Variants in HSF5 observed in about 807,000 individuals in gnomAD.
HSF5 encodes the protein heat shock transcription factor 5.
In HSF5, 5 loss-of-function variants were observed where a neutral mutation model predicts 50.8. The observed-to-expected ratio is 0.10, with a 90% CI of 0.05 to 0.21. HSF5 has a LOEUF of 0.21. Among genes scored for constraint, HSF5 ranks in the 10% least tolerant of loss-of-function variants. The pLI is 1.00. For missense variants in HSF5, 564 were observed against 762.6 expected (o/e 0.74, Z 3.07); for synonymous variants, 307 against 307.4 (o/e 1.00, Z 0.02).
At chr17:58,472,807 C>A (rs891158565) in intron 2 of HSF5, among the ~76,000 whole-genome samples, 3 of 152,064 alleles carry the variant, frequency 2.0e-5, no homozygotes, top group African/African-American at 4.8e-5. Flanking sequence ...CTCCCCAGAG[C>A]CCCCAGGCTG....
intron 5 of HSF5, among the ~76,000 whole-genome samples, chr17:58,443,021 G>A (rs1974518018): frequency 6.6e-6 from 1 of 151,728 alleles, no homozygotes; most frequent in South Asian, 2.1e-4. Context: ...CCATTCTCCT[G>A]CCTCAGTTCC....
In HSF5 at chr17:58,463,179, A is replaced by C. The variant is rs770348298; in HGVS notation, c.1145T>G (p.Leu382Trp). ...LEAVFQIVDE[L>W]HSSPKLEMVK... Reference sequence around the variant, plus strand: ...CATCTCCAATTTAGGGGAGGAATGCAACTCATCAACTATCTGAAAGACAGC... The same window carrying C: ...CATCTCCAATTTAGGGGAGGAATGCCACTCATCAACTATCTGAAAGACAGC... The change falls in exon 4 of 6, where the codon TTG (leucine) becomes TGG (tryptophan). Residue 382 changes from leucine to tryptophan, a missense_variant. By Grantham distance (61) the Leu-to-Trp change is moderately conservative. Transcript: ENST00000323777. 2.3e-5 allele frequency: 37 copies of C among 1,614,210 alleles called. 1 individual carries two copies. The South Asian group carries it at 3.8e-4, about 17-fold the overall frequency.
intron 5 of HSF5, among the ~76,000 whole-genome samples, chr17:58,451,268 C>A (rs1282251511): frequency 6.6e-6 from 1 of 152,150 alleles, no homozygotes; most frequent in African/African-American, 2.4e-5. Flanking sequence ...CAGCTTTCAG[C>A]AATGGACAAA....
rs540672915 is a variant in HSF5, at chr17:58,448,820, T to G, written c.1720+9948A>C. On this transcript the variant is annotated intron_variant, in intron 5 of 5. Transcript: ENST00000323777. ...TCAGAATACCCTAATACTGTAATTG[T>G]GATATATAAACCACTGATATCTTTA... Among the ~76,000 whole-genome samples, 133 of 152,340 alleles carry G rather than the reference T, an allele frequency of 8.7e-4. 1 individual carries two copies. The highest frequency in any genetic ancestry group is 3.2e-3 in the African/African-American group (132 of 41,576).
intron 3 of HSF5, among the ~76,000 whole-genome samples, chr17:58,464,093 A>T (rs545228899): frequency 1.3e-5 from 2 of 152,360 alleles, no homozygotes; most frequent in Non-Finnish European, 2.9e-5. Flanking sequence ...AAAATACAGA[A>T]GAGTTATGAT....
chr17:58,450,337 T>C (rs184644793), intron 5 of HSF5, among the ~76,000 whole-genome samples: 829 of 27,140 alleles, frequency 0.031, 18 homozygotes, highest in African/African-American at 0.11. Context: ...AGACTTTGTC[T>C]CAAAAAAAAA....
rs1975183403 is a variant in HSF5, at chr17:58,486,564, T to C, written c.550+1161A>G. Among the ~76,000 whole-genome samples, 3 of 152,340 alleles carry C rather than the reference T, an allele frequency of 2.0e-5. 1 individual carries two copies. The Middle Eastern group carries it at 0.01, about 518-fold the overall frequency. ...AACTTGACAGCTGTAAAGAAAACCA[T>C]CTTTGCCTTATGTTTGTCTAATCAT... is the stretch of plus-strand genomic sequence containing the variant. On this transcript the variant is annotated intron_variant, in intron 1 of 5. Coordinates refer to ENST00000323777, the MANE Select transcript of HSF5 (RefSeq NM_001080439.3).
chr17:58,423,875 A>C (rs1181533280), intron 5 of HSF5, among the ~76,000 whole-genome samples: 1 of 152,192 alleles, frequency 6.6e-6, no homozygotes, highest in Non-Finnish European at 1.5e-5. Context: ...CATTCTCAAC[A>C]TACAAAGACT....
chr17:58,457,224 C>T (rs968266656), intron 5 of HSF5, among the ~76,000 whole-genome samples: 2 of 149,632 alleles, frequency 1.3e-5, no homozygotes, highest in Admixed American at 6.7e-5. Context: ...CACGCCATTG[C>T]ACTACAGCCC....
At position 58,449,689 on chromosome 17, in the gene HSF5, G is replaced by A. The variant is rs377481115; in HGVS notation, c.1720+9079C>T. Among the ~76,000 whole-genome samples, 476 of 147,606 alleles carry A rather than the reference G, an allele frequency of 3.2e-3. 2 individuals carry two copies. The highest frequency in any genetic ancestry group is 0.011 in the African/African-American group (450 of 40,068). ...CACTCCAGCCCAGGTGACGGAGTGA[G>A]GCTCCATCTCAAAAAAAAAAAAAAA... On this transcript the variant is annotated intron_variant, in intron 5 of 5. Coordinates refer to ENST00000323777, the MANE Select transcript of HSF5 (RefSeq NM_001080439.3).
chr17:58,477,394 A>G (rs900383481), intron 2 of HSF5, among the ~76,000 whole-genome samples: 3 of 151,286 alleles, frequency 2.0e-5, no homozygotes, highest in Admixed American at 2.0e-4. Context: ...CGCTGGGATT[A>G]CAGGTGTGAG....
At chr17:58,430,665 T>C (rs971538652) in intron 5 of HSF5, among the ~76,000 whole-genome samples, 1 of 152,148 alleles carries the variant, frequency 6.6e-6, no homozygotes, top group South Asian at 2.1e-4. Flanking sequence ...AGTTACACCA[T>C]TGGCTTCCCT....
chr17:58,435,202 T>TG (rs1598182018), intron 5 of HSF5, among the ~76,000 whole-genome samples: 1 of 152,118 alleles, frequency 6.6e-6, no homozygotes, highest in East Asian at 1.9e-4. Flanking sequence ...GGGAATATAT[T>TG]GACTAGAAAA....
intron 4 of HSF5, 92 bp downstream of exon 4, chr17:58,462,690 T>C (rs1974808898): frequency 5.5e-6 from 7 of 1,274,546 alleles, no homozygotes; most frequent in Non-Finnish European, 6.5e-6. Flanking sequence ...TAAACCCAAA[T>C]AAAATCTGAA....
intron 4 of HSF5, among the ~76,000 whole-genome samples, chr17:58,459,707 TA>T (rs1234781891): frequency 2.7e-5 from 4 of 150,446 alleles, no homozygotes; most frequent in Non-Finnish European, 5.9e-5. Flanking sequence ...CCCAGGCTGG[TA>T]ACTCCTGGTC....
At chr17:58,423,124 T>C (rs1974248292) in intron 5 of HSF5, among the ~76,000 whole-genome samples, 1 of 152,190 alleles carries the variant, frequency 6.6e-6, no homozygotes, top group Non-Finnish European at 1.5e-5. Flanking sequence ...TGTGGGAACA[T>C]GAAAAGGCAA....
At chr17:58,449,476 G>C (rs948023999) in intron 5 of HSF5, among the ~76,000 whole-genome samples, 1 of 152,176 alleles carries the variant, frequency 6.6e-6, no homozygotes, top group South Asian at 2.1e-4. Context: ...GAGGCAGGCG[G>C]ATCACCAGAG....
Position 58,488,079 on chromosome 17 carries a change from C to G in HSF5, c.196G>C (p.Gly66Arg). 1 of 1,581,386 alleles carries G rather than the reference C, an allele frequency of 6.3e-7. No homozygotes were observed. Among genetic ancestry groups the G allele is most frequent in the South Asian group, 1.1e-5 (1 of 88,414 alleles). ...PGGGGGTAGA[G>R]AEPELFKTTS... ...GTTTTGAAGAGCTCGGGCTCGGCCC[C>G]GGCCCCCGCAGTCCCGCCACCGCCC... The change falls in exon 1 of 6, where the codon GGG (glycine) becomes CGG (arginine). Residue 66 changes from glycine to arginine, a missense_variant. By Grantham distance (125) the Gly-to-Arg change is moderately radical. This residue lies in a region of HSF5 where 72 missense variants were observed against 110.9 expected (regional missense o/e 0.65). Coordinates refer to ENST00000323777, the MANE Select transcript of HSF5 (RefSeq NM_001080439.3). The surrounding 1 kb of genome is among the most constrained non-coding windows in gnomAD (Gnocchi z 4.1).
At chr17:58,458,167 T>C (rs1404506615) in intron 5 of HSF5, among the ~76,000 whole-genome samples, 1 of 152,228 alleles carries the variant, frequency 6.6e-6, no homozygotes, top group Non-Finnish European at 1.5e-5. Context: ...GAGACACATG[T>C]TTTATTAGAT....
Sources: gnomAD v4.1 joint callset for allele counts (sites outside exome capture counted in the v4.1 genomes callset) on GRCh38, gnomAD v4.1.1 for gene constraint, gnomAD v4.1.1 regional missense constraint, Gnocchi (gnomAD v3.1) non-coding constraint, MANE v1.5 for transcripts, NCBI Gene and HGNC (gene_info 2026-07-23, HGNC 2026-07-21) for gene names.